OSBPL9: variants seen among roughly 807,000 people sequenced by gnomAD.
The protein encoded by OSBPL9 is oxysterol-binding protein-related protein 9.
In OSBPL9, 40 loss-of-function variants were observed where a neutral mutation model predicts 106.6. That is an observed-to-expected ratio of 0.38 (90% CI 0.29 to 0.49). The LOEUF (loss-of-function observed/expected upper bound fraction) is 0.49, where lower values mean the gene tolerates loss of function less well. Ranked by LOEUF, OSBPL9 falls within the 20% of genes least tolerant of loss-of-function variation. The probability of loss-of-function intolerance (pLI) is 0.97; values close to 1 mark genes in which losing one functional copy is unlikely to be tolerated. For synonymous variants in OSBPL9, 269 were observed against 295.4 expected, an observed-to-expected ratio of 0.91 and a Z score of 0.92; for missense variants, 609 against 887.2, an observed-to-expected ratio of 0.69 and a Z score of 3.98.
chr1:51,650,832 T>C (rs1646472826), intron 1 of OSBPL9, among the ~76,000 whole-genome samples: 1 of 152,222 alleles, frequency 6.6e-6, no homozygotes, highest in Non-Finnish European at 1.5e-5. Flanking sequence ...ACTAATTTAC[T>C]CTTAGGAATA....
In OSBPL9 at chr1:51,651,238, T is replaced by C. The variant is rs542099945; in HGVS notation, c.112-753T>C. On this transcript the variant is annotated intron_variant, in intron 1 of 23. Coordinates refer to ENST00000428468, the MANE Select transcript of OSBPL9 (RefSeq NM_024586.6). The stretch of plus-strand genomic sequence containing the variant: ...CACAGAAGCAAAAAATGTTACCCAT[T>C]TGGGGAATTGCAGAGGTAAAGCTAA... Among the ~76,000 whole-genome samples the C allele has an allele frequency of 4.6e-5, 7 of 152,104 alleles. No individual in the cohort carries two copies. In the East Asian group the frequency reaches 1.2e-3, roughly 25 times the overall value.
chr1:51,540,833 T>C, the OSBPL9 span, among the ~76,000 whole-genome samples: 5 of 138,992 alleles, frequency 3.6e-5, no homozygotes, highest in South Asian at 4.5e-4. Flanking sequence ...GTGGTGGGCG[T>C]CTGTAATCCC....
In OSBPL9 at chr1:51,699,387, A is replaced by G. The variant is rs570864584; in HGVS notation, c.242-14616A>G. On this transcript the variant is annotated intron_variant, in intron 3 of 23. Coordinates refer to ENST00000428468, the MANE Select transcript of OSBPL9 (RefSeq NM_024586.6). Reference sequence around the variant, plus strand: ...CTCTCTCTCTCCCTCTCACCCAGACACACACATATACACTCACATACCTTT... The same window carrying G: ...CTCTCTCTCTCCCTCTCACCCAGACGCACACATATACACTCACATACCTTT... Among the ~76,000 whole-genome samples, 3 of 152,066 alleles carry G rather than the reference A, an allele frequency of 2.0e-5. No homozygotes were observed. In the East Asian group the frequency reaches 5.8e-4, roughly 29 times the overall value.
At chr1:51,590,708 TTAAA>T (rs1645270868) in intron 1 of OSBPL9, among the ~76,000 whole-genome samples, 1 of 151,126 alleles carries the variant, frequency 6.6e-6, no homozygotes, top group African/African-American at 2.4e-5. Context: ...TGCTGATGGA[TTAAA>T]TAAAGAAGAT....
rs911223846 is a variant in OSBPL9 at position 51,625,303 on chromosome 1, T to A, written c.111+8082T>A. Among the ~76,000 whole-genome samples, 9 of 152,370 alleles carry A rather than the reference T, an allele frequency of 5.9e-5. No individual in the cohort carries two copies. In the South Asian group the frequency reaches 1.0e-3, roughly 18 times the overall value. On this transcript the variant is annotated intron_variant, in intron 1 of 23. Transcript: ENST00000428468. ...ATTGTATGATTAGATTTTCTTTTTT[T>A]AAAATGTAATTTAATTTATTTTAAA...
chr1:51,738,493 C>G lies in OSBPL9; in HGVS notation c.319-7043C>G, dbSNP rs147125815. On this transcript the variant is annotated intron_variant, in intron 4 of 23. Transcript: ENST00000428468. ...AAAACTTTCTTTATATTGTTTGATT[C>G]TTTGTTACCAAGGTAATAATTAAGT... Among the ~76,000 whole-genome samples the G allele has an allele frequency of 6.8e-4, 103 of 151,998 alleles. No homozygotes were observed. In the East Asian group the frequency reaches 0.016, roughly 24 times the overall value.
Position 51,729,798 on chromosome 1 carries a change from G to C in OSBPL9, c.318+15719G>C. On this transcript the variant is annotated intron_variant, in intron 4 of 23. Coordinates refer to ENST00000428468, the MANE Select transcript of OSBPL9 (RefSeq NM_024586.6). This position sits in a 1 kb window ranked among gnomAD's most constrained non-coding sequence, Gnocchi z 5.1. ...CGACCCCTCCGCCGGGGAGGGGACGGGAAAGGGGTGGGGGGTGAAGGGGGT... is the reference window on the plus strand; with the variant it reads ...CGACCCCTCCGCCGGGGAGGGGACGCGAAAGGGGTGGGGGGTGAAGGGGGT... 1 of 1,236,122 alleles carries C rather than the reference G, an allele frequency of 8.1e-7. No homozygotes were observed. The allele number at this position is 1,236,122 out of a possible 1,614,324, so 76.6% of individuals were successfully genotyped here.
intron 4 of OSBPL9, among the ~76,000 whole-genome samples, chr1:51,732,327 A>G (rs965390323): frequency 1.3e-5 from 2 of 152,230 alleles, no homozygotes; most frequent in Non-Finnish European, 2.9e-5. Flanking sequence ...GCTAAACTTT[A>G]TACTGTAGAG....
At chr1:51,765,632 C>T in intron 11 of OSBPL9, 190 bp from the exon 12 acceptor site, 2 of 462,194 alleles carry the variant, frequency 4.3e-6, no homozygotes, top group Non-Finnish European at 3.8e-6. Flanking sequence ...AGGCTGTGTC[C>T]TCATTTTATA....
At chr1:51,730,017 G>T (rs1663999615) in intron 4 of OSBPL9, 2 of 1,309,510 alleles carry the variant, frequency 1.5e-6, no homozygotes, top group East Asian at 5.6e-5. Flanking sequence ...TAGACCCCGA[G>T]GGTCTGGGAG....
At chr1:51,719,892 C>T (rs1661756924) in intron 4 of OSBPL9, among the ~76,000 whole-genome samples, 1 of 152,164 alleles carries the variant, frequency 6.6e-6, no homozygotes, top group South Asian at 2.1e-4. Flanking sequence ...TGGGTCACTA[C>T]TTACAATGTG....
intron 7 of OSBPL9, chr1:51,749,383 G>A (rs1033024872): frequency 9.3e-6 from 2 of 214,662 alleles, no homozygotes; most frequent in Non-Finnish European, 2.1e-5. Context: ...TGCAGTCATA[G>A]CTCACTGCAG....
At chr1:51,739,303 A>C (rs1471993402) in intron 4 of OSBPL9, among the ~76,000 whole-genome samples, 1 of 152,050 alleles carries the variant, frequency 6.6e-6, no homozygotes, top group Non-Finnish European at 1.5e-5. Flanking sequence ...CAGGTTTAAT[A>C]TCTGTCTACC....
At chr1:51,656,812 A>G (rs1646847851) in intron 2 of OSBPL9, among the ~76,000 whole-genome samples, 1 of 150,830 alleles carries the variant, frequency 6.6e-6, no homozygotes, top group African/African-American at 2.4e-5. Flanking sequence ...GGTGTGCACC[A>G]CCACACCTGG....
chr1:51,540,796 TA>T, the OSBPL9 span, among the ~76,000 whole-genome samples: 1 of 150,968 alleles, frequency 6.6e-6, no homozygotes, highest in Non-Finnish European at 1.5e-5. Flanking sequence ...CCGTCTCTAC[TA>T]AAAATACAAA....
chr1:51,609,316 C>T (rs896740481), intron 2 of OSBPL9, among the ~76,000 whole-genome samples: 69 of 151,158 alleles, frequency 4.6e-4, no homozygotes, highest in African/African-American at 1.5e-3. Context: ...TCAATGCTTC[C>T]TATGCCTTCA....
chr1:51,636,902 T>C (rs551739759), intron 1 of OSBPL9, among the ~76,000 whole-genome samples: 1 of 152,150 alleles, frequency 6.6e-6, no homozygotes. Context: ...GACCTAGGAA[T>C]TTACATGCTA....
intron 2 of OSBPL9, among the ~76,000 whole-genome samples, chr1:51,660,675 A>C (rs116812208): frequency 6.6e-6 from 1 of 152,260 alleles, no homozygotes; most frequent in African/African-American, 2.4e-5. Flanking sequence ...CAATGAATGA[A>C]TGATGCTAAA....
At position 51,729,666 on chromosome 1, in the gene OSBPL9, A is replaced by T; in HGVS notation, c.318+15587A>T. 2 of 400,178 alleles carry T rather than the reference A, an allele frequency of 5.0e-6. No individual in the cohort carries two copies. The highest frequency in any genetic ancestry group is 7.8e-6 in the Non-Finnish European group (2 of 255,014). 24.8% of individuals were successfully genotyped at this position (400,178 alleles called of 1,614,324 possible). On this transcript the variant is annotated intron_variant, in intron 4 of 23. Transcript: ENST00000428468. The surrounding 1 kb of genome is among the most constrained non-coding windows in gnomAD (Gnocchi z 5.1). ...AGCTCCCTCGGCCTCTCCACCCAAA[A>T]CTGGCCCAACCGCCAATCGTCTGCC...
Sources: gnomAD v4.1 joint callset for allele counts (sites outside exome capture counted in the v4.1 genomes callset) on GRCh38, gnomAD v4.1.1 for gene constraint, Gnocchi (gnomAD v3.1) non-coding constraint, MANE v1.5 for transcripts, NCBI Gene and HGNC (gene_info 2026-07-23, HGNC 2026-07-21) for gene names.